POLN: variants seen among roughly 807,000 people sequenced by gnomAD.
The protein encoded by POLN is DNA polymerase N.
Under a neutral mutation model 113.5 loss-of-function variants are expected in POLN, and 108 were observed. The ratio of observed to expected loss-of-function variants is 0.95; its 90% CI spans 0.81 to 1.12. POLN has a LOEUF of 1.12. POLN is among the 50% of genes most tolerant of loss of function. The pLI is 0.00. For synonymous variants in POLN, 386 were observed against 391.5 expected (o/e 0.99, Z 0.17); for missense variants, 1,097 against 1,077.1 (o/e 1.02, Z -0.26).
intron 16 of POLN, among the ~76,000 whole-genome samples, chr4:2,144,592 A>G (rs1170957048): frequency 6.6e-6 from 1 of 152,206 alleles, no homozygotes; most frequent in Non-Finnish European, 1.5e-5. Context: ...TAATATATAC[A>G]CTACTGGAGG....
At chr4:2,109,803 G>A (rs541739031) in intron 19 of POLN, among the ~76,000 whole-genome samples, 8 of 152,114 alleles carry the variant, frequency 5.3e-5, no homozygotes. Context: ...TTATAATTGG[G>A]TCTTGCCTCC....
intron 9 of POLN, among the ~76,000 whole-genome samples, chr4:2,176,041 G>A (rs1732986381): frequency 2.0e-5 from 3 of 152,124 alleles, no homozygotes; most frequent in African/African-American, 4.8e-5. Flanking sequence ...TAAAAAAGAG[G>A]CTTTAAAAAA....
chr4:2,101,821 G>A (rs1331468641), intron 19 of POLN, among the ~76,000 whole-genome samples: 1 of 152,232 alleles, frequency 6.6e-6, no homozygotes, highest in African/African-American at 2.4e-5. Context: ...ATCGTTGAAA[G>A]TAGGCACTTC....
At chr4:2,227,893 A>T (rs1370367819) in intron 3 of POLN, 3 of 152,208 alleles carry the variant, frequency 2.0e-5, no homozygotes, top group Non-Finnish European at 4.4e-5. Flanking sequence ...TATTCAAAAA[A>T]ATATGGAATA....
At chr4:2,116,221 CT>C (rs1731314050) in intron 19 of POLN, among the ~76,000 whole-genome samples, 1 of 152,224 alleles carries the variant, frequency 6.6e-6, no homozygotes, top group Non-Finnish European at 1.5e-5. Context: ...TGGATGTGCT[CT>C]GGAGCTGGGG....
At chr4:2,197,632 T>C (rs191540885) in intron 6 of POLN, among the ~76,000 whole-genome samples, 200 of 152,326 alleles carry the variant, frequency 1.3e-3, no homozygotes, top group African/African-American at 4.6e-3. Context: ...CTCCATACAC[T>C]AGACCTGACC....
chr4:2,219,311 A>T (rs756835312), intron 3 of POLN, among the ~76,000 whole-genome samples: 1 of 152,188 alleles, frequency 6.6e-6, no homozygotes, highest in Non-Finnish European at 1.5e-5. Flanking sequence ...TCCCCCTTGT[A>T]TAAGTTCCCA....
chr4:2,081,891 TG>T lies in POLN; in HGVS notation c.2198-149del, dbSNP rs1030674598. The T allele has an allele frequency of 3.0e-5, 17 of 572,656 alleles. No homozygotes were observed. In the African/African-American group the frequency reaches 3.0e-4, roughly 10 times the overall value. The allele number at this position is 572,656 out of a possible 1,614,324, so 35.5% of individuals were successfully genotyped here. ...TCCCCTGGGCCCTTCGGGTCTATCA[TG>T]GGGGCAAGTGGGCCCTGCAGTGGGA... On this transcript the variant is annotated intron_variant, in intron 21 of 25. Transcript: ENST00000511885.
At chr4:2,131,937 C>A (rs75416359) in intron 16 of POLN, among the ~76,000 whole-genome samples, 3,988 of 152,304 alleles carry the variant, frequency 0.026, 71 homozygotes, top group Middle Eastern at 0.065. Context: ...GTACCTTGGA[C>A]AATAATACCC....
chr4:2,195,825 T>G (rs2108758146), intron 6 of POLN, among the ~76,000 whole-genome samples: 1 of 152,310 alleles, frequency 6.6e-6, no homozygotes, highest in Non-Finnish European at 1.5e-5. Flanking sequence ...AGGAAAGTTC[T>G]TTACAGGAAA....
intron 13 of POLN, among the ~76,000 whole-genome samples, chr4:2,166,864 G>C (rs1373562151): frequency 6.6e-6 from 1 of 152,098 alleles, no homozygotes; most frequent in Non-Finnish European, 1.5e-5. Context: ...CTTGAAGAAG[G>C]CCTATCGTGG....
rs549624563 is a variant in POLN at position 2,154,067 on chromosome 4, G to A, written c.1731+2721C>T. Among the ~76,000 whole-genome samples, 39 of 150,646 alleles carry A rather than the reference G, an allele frequency of 2.6e-4. 1 individual carries two copies. Among genetic ancestry groups the A allele is most frequent in the East Asian group, 2.0e-3 (10 of 5,030 alleles). On this transcript the variant is annotated intron_variant, in intron 16 of 25. Transcript: ENST00000511885. ...AAAAAAATTAGCCGGGCGTGGTGGC[G>A]GGTGCCTGTAGTCCTAGCTACTCGG... is the stretch of plus-strand genomic sequence containing the variant.
intron 2 of POLN, chr4:2,240,605 GTTCT>G (rs780661141): frequency 6.2e-7 from 1 of 1,613,004 alleles, no homozygotes; most frequent in African/African-American, 1.3e-5. Flanking sequence ...GAATTTTTAG[GTTCT>G]TTAATTTCAG....
intron 15 of POLN, among the ~76,000 whole-genome samples, chr4:2,157,103 C>T (rs1432961780): frequency 1.3e-5 from 2 of 152,182 alleles, no homozygotes; most frequent in African/African-American, 4.8e-5. Context: ...ATGTCACTTA[C>T]AAATCCCATG....
chr4:2,123,001 A>C (rs1731486318), intron 19 of POLN, among the ~76,000 whole-genome samples: 1 of 152,014 alleles, frequency 6.6e-6, no homozygotes, highest in Admixed American at 6.5e-5. Flanking sequence ...AAAAAGAAAA[A>C]AAAAAATCTA....
At position 2,174,760 on chromosome 4, in the gene POLN, T is replaced by C. The variant is rs912283491; in HGVS notation, c.1249-9A>G. ...TGCCATAAACCATAATCCTGTTTAA[T>C]AGGAAGAAATAACATCAACGTCAAT... On this transcript the variant is annotated splice_polypyrimidine_tract_variant and intron_variant, in intron 9 of 25. Coordinates refer to ENST00000511885, the MANE Select transcript of POLN (RefSeq NM_181808.4). 1.6e-5 allele frequency: 25 copies of C among 1,569,596 alleles called. No individual in the cohort carries two copies. The highest frequency in any genetic ancestry group is 2.1e-5 in the Non-Finnish European group (24 of 1,143,664).
chr4:2,192,516 T>A (rs1205921466), intron 7 of POLN, among the ~76,000 whole-genome samples: 1 of 151,940 alleles, frequency 6.6e-6, no homozygotes, highest in African/African-American at 2.4e-5. Flanking sequence ...ATTTTTGTAT[T>A]TTTAGTAGAG....
At chr4:2,239,831 G>C (rs1734905688) in intron 2 of POLN, among the ~76,000 whole-genome samples, 1 of 152,176 alleles carries the variant, frequency 6.6e-6, no homozygotes, top group South Asian at 2.1e-4. Context: ...ATGTGGTAGA[G>C]ATTATAATTA....
chr4:2,077,697 C>G (rs1730308084), intron 23 of POLN, among the ~76,000 whole-genome samples: 1 of 152,236 alleles, frequency 6.6e-6, no homozygotes, highest in South Asian at 2.1e-4. Context: ...TTTCACACTT[C>G]TTGAAATTAC....
Sources: allele counts gnomAD v4.1 joint callset (sites outside exome capture counted in the v4.1 genomes callset), GRCh38; gene constraint gnomAD v4.1.1; transcripts MANE v1.5; gene names NCBI Gene and HGNC (gene_info 2026-07-23, HGNC 2026-07-21).